ZC3H12B: variants seen among roughly 807,000 people sequenced by gnomAD.
ZC3H12B encodes the protein probable ribonuclease ZC3H12B.
Under a neutral mutation model 43.9 loss-of-function variants are expected in ZC3H12B, and 7 were observed. The ratio of observed to expected loss-of-function variants is 0.16; its 90% CI spans 0.09 to 0.30. ZC3H12B has a LOEUF of 0.30. Ranked by LOEUF, ZC3H12B falls within the 10% of genes least tolerant of loss-of-function variation. The pLI is 1.00. For missense variants in ZC3H12B, 475 were observed against 670.2 expected, an observed-to-expected ratio of 0.71 and a Z score of 3.22; for synonymous variants, 222 against 241.7, an observed-to-expected ratio of 0.92 and a Z score of 0.76.
chrX:65,081,868 A>AAT, the ZC3H12B span, among the ~76,000 whole-genome samples: 1 of 112,019 alleles, frequency 8.9e-6, no homozygotes, highest in African/African-American at 3.2e-5. Context: ...TCAAGGATAG[A>AAT]CCATAAGTTA....
chrX:65,149,764 AAATAATAAT>A, the ZC3H12B span, among the ~76,000 whole-genome samples: 8,785 of 85,206 alleles, frequency 0.1, 552 homozygotes, highest in African/African-American at 0.2. Context: ...ACTTAATCTC[AAATAATAAT>A]AATAATAATA....
intron 3 of ZC3H12B, among the ~76,000 whole-genome samples, chrX:65,432,966 A>T (rs1402127522): frequency 8.0e-5 from 9 of 112,288 alleles, no homozygotes. Flanking sequence ...AGGACATAGG[A>T]TTGGAGAGTT....
chrX:65,463,788 C>T (rs1459210335), intron 3 of ZC3H12B, among the ~76,000 whole-genome samples: 2 of 111,337 alleles, frequency 1.8e-5, no homozygotes, highest in Non-Finnish European at 3.8e-5. Flanking sequence ...TCACGCAAGA[C>T]AGAAACCAGT....
the ZC3H12B span, among the ~76,000 whole-genome samples, chrX:65,288,658 GAA>G: frequency 8.9e-6 from 1 of 111,955 alleles, no homozygotes; most frequent in African/African-American, 3.2e-5. Flanking sequence ...GGGAAAAGTT[GAA>G]AGCCTTTCCT....
At chrX:65,426,574 G>A (rs1171064193) in intron 3 of ZC3H12B, among the ~76,000 whole-genome samples, 2 of 109,968 alleles carry the variant, frequency 1.8e-5, no homozygotes, top group East Asian at 5.7e-4. Flanking sequence ...GGTTGTTAAC[G>A]AGATCTTTCT....
the ZC3H12B span, among the ~76,000 whole-genome samples, chrX:65,137,601 T>G: frequency 8.9e-6 from 1 of 112,235 alleles, no homozygotes; most frequent in African/African-American, 3.2e-5. Flanking sequence ...TGGATCAAAA[T>G]CTGAATTATC....
intron 3 of ZC3H12B, among the ~76,000 whole-genome samples, chrX:65,415,502 T>C (rs1191455166): frequency 8.9e-6 from 1 of 112,562 alleles, no homozygotes; most frequent in Non-Finnish European, 1.9e-5. Context: ...GTTGGAATTT[T>C]GTGTCTTATT....
At chrX:65,294,113 A>T in the ZC3H12B span, among the ~76,000 whole-genome samples, 2 of 111,674 alleles carry the variant, frequency 1.8e-5, no homozygotes, top group Non-Finnish European at 3.8e-5. Flanking sequence ...TGAAAGCATC[A>T]TGTAACCTAT....
At chrX:65,342,180 A>T in the ZC3H12B span, among the ~76,000 whole-genome samples, 1 of 112,069 alleles carries the variant, frequency 8.9e-6, no homozygotes, top group African/African-American at 3.2e-5. Context: ...AGGGCATTAC[A>T]TGATGGTAAA....
chrX:65,277,000 C>T, the ZC3H12B span, among the ~76,000 whole-genome samples: 4 of 111,120 alleles, frequency 3.6e-5, no homozygotes, highest in African/African-American at 6.5e-5. Flanking sequence ...TAAAGACACA[C>T]GTAGACTGAA....
intron 3 of ZC3H12B, among the ~76,000 whole-genome samples, chrX:65,456,584 G>A (rs1258022847): frequency 3.5e-4 from 37 of 105,621 alleles, no homozygotes; most frequent in Admixed American, 5.0e-4. Context: ...GATTGCAGGC[G>A]CGCGCCGCCA....
At chrX:65,286,193 C>G in the ZC3H12B span, among the ~76,000 whole-genome samples, 3 of 111,817 alleles carry the variant, frequency 2.7e-5, no homozygotes, top group African/African-American at 9.8e-5. Context: ...CTGGATAAAG[C>G]AAGTGTGGTA....
chrX:65,285,444 A>C, the ZC3H12B span, among the ~76,000 whole-genome samples: 1 of 110,983 alleles, frequency 9.0e-6, no homozygotes, highest in Non-Finnish European at 1.9e-5. Flanking sequence ...TAAAAGTTTA[A>C]AAAGAAAATT....
chrX:65,220,344 A>G, the ZC3H12B span, among the ~76,000 whole-genome samples: 2 of 111,678 alleles, frequency 1.8e-5, no homozygotes, highest in African/African-American at 6.5e-5. Flanking sequence ...ATAGAATAAG[A>G]CCTCACATCT....
At chrX:65,442,043 C>T (rs1271666888) in intron 3 of ZC3H12B, among the ~76,000 whole-genome samples, 1 of 95,408 alleles carries the variant, frequency 1.0e-5, no homozygotes, top group East Asian at 2.9e-4. Context: ...GCCTGACTCA[C>T]TGATTTTTTC....
At chrX:65,059,219 A>ACCCCCCCCCCCCCCC in the ZC3H12B span, among the ~76,000 whole-genome samples, 1 of 38,474 alleles carries the variant, frequency 2.6e-5, no homozygotes, top group Non-Finnish European at 4.9e-5. Flanking sequence ...TCTTGGAACC[A>ACCCCCCCCCCCCCCC]CCCCCCCCCC....
chrX:65,213,586 A>T, the ZC3H12B span, among the ~76,000 whole-genome samples: 4 of 110,884 alleles, frequency 3.6e-5, no homozygotes, highest in Middle Eastern at 9.3e-3. Context: ...AGTGTTGGAG[A>T]TGGAGTCTGA....
chrX:65,123,370 T>C, the ZC3H12B span, among the ~76,000 whole-genome samples: 3 of 111,544 alleles, frequency 2.7e-5, no homozygotes, highest in African/African-American at 9.8e-5. Flanking sequence ...TCATCAAGGA[T>C]ATTGTTCTAA....
At chrX:65,251,774 C>T in the ZC3H12B span, among the ~76,000 whole-genome samples, 7 of 110,912 alleles carry the variant, frequency 6.3e-5, no homozygotes, top group Admixed American at 1.9e-4. Context: ...GTGATTTTTG[C>T]ACATTGATTT....
Sources: gnomAD v4.1 joint callset for allele counts (sites outside exome capture counted in the v4.1 genomes callset) on GRCh38, gnomAD v4.1.1 for gene constraint, MANE v1.5 for transcripts, NCBI Gene and HGNC (gene_info 2026-07-23, HGNC 2026-07-21) for gene names.